The following LDHA variants were observed in gnomAD, a reference collection of about 807,000 sequenced individuals.
LDHA encodes L-lactate dehydrogenase A chain.
LDHA carries 10 observed loss-of-function variants against 36.3 expected under a neutral mutation model. That is an observed-to-expected ratio of 0.28 (90% confidence interval 0.17 to 0.47). LDHA has a LOEUF of 0.47. LDHA is among the 20% of genes least tolerant of loss of function. The pLI is 0.99. For missense variants in LDHA, 267 were observed against 405.8 expected, an observed-to-expected ratio of 0.66 and a Z score of 2.94; for synonymous variants, 110 against 136.7, an observed-to-expected ratio of 0.80 and a Z score of 1.36.
In LDHA at chr11:18,402,868, G is replaced by T; in HGVS notation, c.447G>T (p.Lys149Asn). Reference sequence around the variant, plus strand: ...ATATCTTGACCTACGTGGCTTGGAAGATAAGTGGTTTTCCCAAAAACCGTG... The same window carrying T: ...ATATCTTGACCTACGTGGCTTGGAATATAAGTGGTTTTCCCAAAAACCGTG... ...PVDILTYVAWKISGFPKNRVI... is the reference protein window; with the variant it reads ...PVDILTYVAWNISGFPKNRVI... Residue 149 changes from lysine (K) to asparagine (N), a missense_variant, in exon 5 of 8, where the codon AAG (lysine) becomes AAT (asparagine). Transcript: ENST00000422447. 23 of 1,612,950 alleles carry T rather than the reference G, an allele frequency of 1.4e-5. No homozygotes were observed. Among genetic ancestry groups the T allele is most frequent in the Non-Finnish European group, 2.0e-5 (23 of 1,178,990 alleles).
rs756838417 is a variant in LDHA, at chr11:18,407,309, G to A, written c.*28G>A. ...TCTTCTGATGTCATATCATTTCACT[G>A]TCTAGGCTACAACAGGATTCTAGGT... On this transcript the variant is annotated 3_prime_UTR_variant, in exon 8 of 8. Coordinates refer to ENST00000422447, the MANE Select transcript of LDHA (RefSeq NM_005566.4). 7 of 1,612,408 alleles carry A rather than the reference G, an allele frequency of 4.3e-6. No individual in the cohort carries two copies. The highest frequency in any genetic ancestry group is 5.9e-6 in the Non-Finnish European group (7 of 1,179,678).
At chr11:18,402,608 T>C (rs995840196) in intron 4 of LDHA, 1 of 454,114 alleles carries the variant, frequency 2.2e-6, no homozygotes, top group African/African-American at 2.0e-5. Context: ...AAAACTACTT[T>C]TTGAATAATT....
In LDHA at chr11:18,401,595, A is replaced by T. The variant is rs562052619; in HGVS notation, c.418+585A>T. Among the ~76,000 whole-genome samples, 42 of 135,496 alleles carry T rather than the reference A, an allele frequency of 3.1e-4. 1 individual carries two copies. The Admixed American group carries it at 3.4e-3, about 11-fold the overall frequency. 88.9% of individuals were successfully genotyped at this position (135,496 alleles called of 152,430 possible). ...CGGGTTCATGCCATTCTCCTGCCTC[A>T]GCCTCCCGAGTAGCTGGGACTACAG... On this transcript the variant is annotated intron_variant, in intron 4 of 7. Transcript: ENST00000422447.
At chr11:18,402,707 A>T in intron 4 of LDHA, 133 bp from the exon 5 acceptor site, 2 of 738,232 alleles carry the variant, frequency 2.7e-6, no homozygotes, top group South Asian at 3.0e-5. Context: ...CTGAAAAGCC[A>T]TATATCTGGA....
In LDHA at chr11:18,402,855, A is replaced by G; in HGVS notation, c.434A>G (p.Tyr145Cys). The G allele has an allele frequency of 6.2e-7, 1 of 1,611,912 alleles. No homozygotes were observed. The highest frequency in any genetic ancestry group is 8.5e-7 in the Non-Finnish European group (1 of 1,178,120). Residue 145 changes from tyrosine to cysteine, a missense_variant, in exon 5 of 8, where the codon TAC becomes TGC. Coordinates refer to ENST00000422447, the MANE Select transcript of LDHA (RefSeq NM_005566.4). ...TTTTTCATAGTGGATATCTTGACCT[A>G]CGTGGCTTGGAAGATAAGTGGTTTT... ...IVSNPVDILTYVAWKISGFPK... is the reference protein window; with the variant it reads ...IVSNPVDILTCVAWKISGFPK...
chr11:18,403,751 A>G lies in LDHA; in HGVS notation c.650A>G (p.Asp217Gly). Residue 217 changes from aspartate (D) to glycine (G), a missense_variant, in exon 6 of 8, where the codon GAT (aspartate) becomes GGT (glycine). Asp to Gly is a moderately conservative substitution (Grantham distance 94). Coordinates refer to ENST00000422447, the MANE Select transcript of LDHA (RefSeq NM_005566.4). ...GTCTCTCTGAAGACTCTGCACCCAG[A>G]TTTAGGGACTGATAAAGATAAGGAA... is the stretch of plus-strand genomic sequence containing the variant. ...AGVSLKTLHP[D>G]LGTDKDKEQW... is the part of the protein sequence containing the mutation. The G allele has an allele frequency of 1.2e-6, 2 of 1,612,292 alleles. No individual in the cohort carries two copies. The highest frequency in any genetic ancestry group is 1.7e-6 in the Non-Finnish European group (2 of 1,178,318).
Position 18,408,001 on chromosome 11 carries a change from C to G in LDHA, c.*720C>G, listed in dbSNP as rs3758683. ...TAATAGCAGAGGATGTAATAGTCAA[C>G]TGAGTTGTATTGGTACCACTTCCAT... is the stretch of plus-strand genomic sequence containing the variant. On this transcript the variant is annotated 3_prime_UTR_variant, in exon 8 of 8. Coordinates refer to ENST00000422447, the MANE Select transcript of LDHA (RefSeq NM_005566.4). 239,868 of 453,814 alleles carry G rather than the reference C, an allele frequency of 0.53. 65,694 individuals are homozygous for G. The highest frequency in any genetic ancestry group is 0.59 in the South Asian group (37,952 of 64,474). The allele number at this position is 453,814 out of a possible 1,614,324, so 28.1% of individuals were successfully genotyped here.
At chr11:18,404,547 G>T (rs1351303238) in intron 6 of LDHA, among the ~76,000 whole-genome samples, 1 of 152,148 alleles carries the variant, frequency 6.6e-6, no homozygotes, top group Non-Finnish European at 1.5e-5. Flanking sequence ...GGTGGCTCAT[G>T]CCTGTAATCC....
chr11:18,399,146 G>A, intron 2 of LDHA: 3 of 406,760 alleles, frequency 7.4e-6, no homozygotes, highest in South Asian at 7.0e-5. Flanking sequence ...AGTTATTCTA[G>A]CAACTGCCAG....
chr11:18,406,287 A>G (rs1299384464), intron 7 of LDHA, among the ~76,000 whole-genome samples: 1 of 151,976 alleles, frequency 6.6e-6, no homozygotes, highest in Non-Finnish European at 1.5e-5. Context: ...TAAAATCTTC[A>G]TAATTAGGCC....
chr11:18,396,344 G>T, intron 1 of LDHA: 1 of 396,308 alleles, frequency 2.5e-6, no homozygotes. Context: ...GAGCGGGAAG[G>T]AGAGCCACAA....
At chr11:18,396,795 C>A in intron 1 of LDHA, 24 bp from the exon 2 acceptor site, 1 of 1,573,270 alleles carries the variant, frequency 6.4e-7, no homozygotes, top group South Asian at 1.2e-5. Flanking sequence ...GCTGTAGTGA[C>A]ACTAAATGTT....
At position 18,398,629 on chromosome 11, in the gene LDHA, T is replaced by TTTTTTTTTC. The variant is rs1554960741; in HGVS notation, c.127-802_127-801insTTTTTTTTC. On this transcript the variant is annotated intron_variant, in intron 2 of 7. Coordinates refer to ENST00000422447, the MANE Select transcript of LDHA (RefSeq NM_005566.4). The stretch of plus-strand genomic sequence containing the variant: ...TTTTTTTTTTTTTTTTTTTTTTTTT[T>TTTTTTTTTC]CTGAGAAGGAGTCTCGCCGTGTCGC... 1.6e-4 allele frequency: 14 copies of TTTTTTTTTC among 87,662 alleles called. 2 individuals are homozygous for TTTTTTTTTC. Among genetic ancestry groups the TTTTTTTTTC allele is most frequent in the African/African-American group, 5.7e-4 (14 of 24,550 alleles). 5.4% of individuals were successfully genotyped at this position (87,662 alleles called of 1,614,324 possible).
intron 3 of LDHA, 110 bp from the exon 4 acceptor site, chr11:18,400,727 A>G: frequency 1.3e-6 from 1 of 779,944 alleles, no homozygotes; most frequent in East Asian, 2.6e-5. Flanking sequence ...ATAATGATAA[A>G]ACTCTAAGAA....
At chr11:18,399,569 A>G (rs774039198) in intron 3 of LDHA, 21 bp downstream of exon 3, 11 of 1,470,768 alleles carry the variant, frequency 7.5e-6, no homozygotes, top group African/African-American at 6.9e-5. Context: ...ACAAGTTTAT[A>G]TTATAATCCA....
At position 18,407,902 on chromosome 11, in the gene LDHA, T is replaced by C; in HGVS notation, c.*621T>C. The stretch of plus-strand genomic sequence containing the variant: ...ATAAAGTCATAAAGCTGCTAGTTAT[T>C]ATATTAATTTGGAAATATTAGGCTA... On this transcript the variant is annotated 3_prime_UTR_variant, in exon 8 of 8. Coordinates refer to ENST00000422447, the MANE Select transcript of LDHA (RefSeq NM_005566.4). 2.2e-6 allele frequency: 1 copy of C among 454,136 alleles called. No homozygotes were observed. Among genetic ancestry groups the C allele is most frequent in the Non-Finnish European group, 4.4e-6 (1 of 226,816 alleles). 28.1% of individuals were successfully genotyped at this position (454,136 alleles called of 1,614,324 possible).
At chr11:18,401,844 A>C (rs1446997037) in intron 4 of LDHA, among the ~76,000 whole-genome samples, 1 of 151,326 alleles carries the variant, frequency 6.6e-6, no homozygotes, top group Non-Finnish European at 1.5e-5. Flanking sequence ...TTTGTTTTTT[A>C]ATAATTTTAA....
At chr11:18,405,039 C>G (rs150985861) in intron 6 of LDHA, among the ~76,000 whole-genome samples, 10 of 152,228 alleles carry the variant, frequency 6.6e-5, no homozygotes, top group Admixed American at 4.6e-4. Flanking sequence ...CTCTGTCCCC[C>G]TCACGCTCCC....
intron 3 of LDHA, chr11:18,400,426 CCACCACACACACACACACACACA>C: frequency 4.2e-6 from 1 of 239,010 alleles, no homozygotes; most frequent in Admixed American, 6.6e-5. Context: ...CCTACCACCA[CCACCACACACACACACACACACA>C]CACACACACA....
Sources: gnomAD v4.1 joint callset for allele counts (sites outside exome capture counted in the v4.1 genomes callset) on GRCh38, gnomAD v4.1.1 for gene constraint, MANE v1.5 for transcripts, NCBI Gene and HGNC (gene_info 2026-07-23, HGNC 2026-07-21) for gene names.